IL1RAPL2: variants seen among roughly 807,000 people sequenced by gnomAD.
The protein encoded by IL1RAPL2 is interleukin 1 receptor accessory protein like 2.
In IL1RAPL2, 3 loss-of-function variants were observed where a neutral mutation model predicts 44.1. That is an observed-to-expected ratio of 0.07 (90% CI 0.03 to 0.18). IL1RAPL2 has a LOEUF of 0.18. Among genes scored for constraint, IL1RAPL2 ranks in the 10% least tolerant of loss-of-function variants. The pLI, the probability that IL1RAPL2 is intolerant of heterozygous loss-of-function variation, is 1.00. For synonymous variants in IL1RAPL2, 181 were observed against 178.8 expected (o/e 1.01, Z -0.10); for missense variants, 391 against 496.4 (o/e 0.79, Z 2.02).
chrX:105,349,368 G>A (rs2035135249), intron 5 of IL1RAPL2, among the ~76,000 whole-genome samples: 1 of 112,139 alleles, frequency 8.9e-6, no homozygotes, highest in Non-Finnish European at 1.9e-5. Flanking sequence ...CTGCCCTTTA[G>A]TTTTCTTCCT....
At chrX:104,930,154 T>A (rs1202516598) in intron 2 of IL1RAPL2, among the ~76,000 whole-genome samples, 1 of 112,410 alleles carries the variant, frequency 8.9e-6, no homozygotes, top group African/African-American at 3.2e-5. Context: ...GTAACAGAAA[T>A]TCTGCTACAA....
intron 2 of IL1RAPL2, among the ~76,000 whole-genome samples, chrX:105,145,935 C>T (rs1404094070): frequency 1.8e-5 from 2 of 110,827 alleles, no homozygotes; most frequent in African/African-American, 6.6e-5. Flanking sequence ...GTTATTAGAT[C>T]AAAAGGGTGG....
At chrX:105,384,746 G>C (rs1319787192) in intron 5 of IL1RAPL2, among the ~76,000 whole-genome samples, 1 of 110,432 alleles carries the variant, frequency 9.1e-6, no homozygotes, top group East Asian at 2.8e-4. Context: ...ATGAACATGG[G>C]GTAGCTGTCC....
intron 3 of IL1RAPL2, among the ~76,000 whole-genome samples, chrX:105,229,175 A>G (rs1484439380): frequency 3.6e-5 from 4 of 112,182 alleles, no homozygotes; most frequent in Non-Finnish European, 5.6e-5. Context: ...TCCCAGTTGC[A>G]GGAAATATTT....
intron 2 of IL1RAPL2, among the ~76,000 whole-genome samples, chrX:105,026,092 C>A (rs991193702): frequency 1.8e-5 from 2 of 110,416 alleles, no homozygotes; most frequent in Non-Finnish European, 3.8e-5. Context: ...TGATAGCTGG[C>A]CAGCACTGGA....
intron 7 of IL1RAPL2, among the ~76,000 whole-genome samples, chrX:105,727,043 T>A (rs2038358190): frequency 9.1e-6 from 1 of 110,495 alleles, no homozygotes; most frequent in Admixed American, 9.7e-5. Context: ...ATTTTAATTT[T>A]TTTAAACATA....
intron 5 of IL1RAPL2, among the ~76,000 whole-genome samples, chrX:105,459,965 T>G (rs2036081931): frequency 9.0e-6 from 1 of 111,236 alleles, no homozygotes; most frequent in Non-Finnish European, 1.9e-5. Flanking sequence ...AATCCGGTAC[T>G]TCAATTATTT....
At chrX:105,530,357 T>C (rs982997002) in intron 6 of IL1RAPL2, among the ~76,000 whole-genome samples, 19 of 112,080 alleles carry the variant, frequency 1.7e-4, no homozygotes, top group Non-Finnish European at 3.4e-4. Context: ...TTATTGGCCA[T>C]TTGTATACCT....
At chrX:104,845,291 T>C (rs1452941991) in intron 2 of IL1RAPL2, among the ~76,000 whole-genome samples, 1 of 112,345 alleles carries the variant, frequency 8.9e-6, no homozygotes, top group Non-Finnish European at 1.9e-5. Context: ...TCAAAAATAT[T>C]CTGCTACTTA....
chrX:105,691,558 A>C (rs892593208), intron 6 of IL1RAPL2, among the ~76,000 whole-genome samples: 1 of 111,846 alleles, frequency 8.9e-6, no homozygotes, highest in African/African-American at 3.2e-5. Context: ...TATTACAAAA[A>C]CAGTGTCAGC....
intron 1 of IL1RAPL2, among the ~76,000 whole-genome samples, chrX:104,615,587 C>T (rs1260497224): frequency 9.0e-6 from 1 of 111,688 alleles, no homozygotes; most frequent in Admixed American, 9.5e-5. Flanking sequence ...CATATTATTC[C>T]ATGGTGTACA....
At chrX:105,376,094 G>T (rs1769082286) in intron 5 of IL1RAPL2, among the ~76,000 whole-genome samples, 1 of 111,796 alleles carries the variant, frequency 8.9e-6, no homozygotes, top group African/African-American at 3.3e-5. Context: ...AAGATTAGAT[G>T]ATTAAGAAAA....
chrX:104,813,798 G>A (rs1464715860), intron 2 of IL1RAPL2, among the ~76,000 whole-genome samples: 3 of 111,696 alleles, frequency 2.7e-5, no homozygotes, highest in African/African-American at 9.8e-5. Context: ...TCTCCTGGTA[G>A]GCAAGAGCAG....
chrX:105,003,593 GT>G (rs2030890535), intron 2 of IL1RAPL2, among the ~76,000 whole-genome samples: 1 of 110,859 alleles, frequency 9.0e-6, no homozygotes, highest in Non-Finnish European at 1.9e-5. Context: ...TCTTCCCCAT[GT>G]TTTGATTTCT....
intron 1 of IL1RAPL2, among the ~76,000 whole-genome samples, chrX:104,573,700 C>T (rs1928188851): frequency 8.9e-6 from 1 of 112,249 alleles, no homozygotes; most frequent in Non-Finnish European, 1.9e-5. Context: ...AGAACTTGAT[C>T]TATCACGTAT....
intron 5 of IL1RAPL2, among the ~76,000 whole-genome samples, chrX:105,477,059 A>C (rs762507206): frequency 8.9e-6 from 1 of 112,288 alleles, no homozygotes; most frequent in Non-Finnish European, 1.9e-5. Flanking sequence ...ATTAAGGTTT[A>C]AATGGCAGAT....
chrX:104,676,244 T>A (rs1313998989), intron 2 of IL1RAPL2, among the ~76,000 whole-genome samples: 2 of 111,808 alleles, frequency 1.8e-5, no homozygotes, highest in Non-Finnish European at 3.8e-5. Flanking sequence ...GTACCAGTTG[T>A]TCCTTTCCAT....
At chrX:104,629,414 G>C (rs770481175) in intron 1 of IL1RAPL2, among the ~76,000 whole-genome samples, 184 of 111,807 alleles carry the variant, frequency 1.6e-3, no homozygotes, top group Middle Eastern at 4.7e-3. Flanking sequence ...TGAGCTCCTT[G>C]TGTATTCTGT....
At chrX:105,223,611 G>A (rs1243707580) in intron 3 of IL1RAPL2, among the ~76,000 whole-genome samples, 1 of 111,942 alleles carries the variant, frequency 8.9e-6, no homozygotes, top group East Asian at 2.8e-4. Flanking sequence ...CAGCCTGGAG[G>A]AGGGAGAAAG....
Sources: gnomAD v4.1 joint callset for allele counts (sites outside exome capture counted in the v4.1 genomes callset) on GRCh38, gnomAD v4.1.1 for gene constraint, MANE v1.5 for transcripts, NCBI Gene and HGNC (gene_info 2026-07-23, HGNC 2026-07-21) for gene names.